The following ITGA1 variants were observed in gnomAD, a reference collection of about 807,000 sequenced individuals.
ITGA1 encodes the protein integrin alpha-1.
Under a neutral mutation model 145.9 loss-of-function variants are expected in ITGA1, and 85 were observed. The ratio of observed to expected loss-of-function variants is 0.58; its 90% CI spans 0.49 to 0.70. The LOEUF is 0.70. Among genes scored for constraint, ITGA1 ranks in the 30% least tolerant of loss-of-function variants. The pLI, the probability that ITGA1 is intolerant of heterozygous loss-of-function variation, is 0.00. For missense variants in ITGA1, 1,351 were observed against 1,418.7 expected, an observed-to-expected ratio of 0.95 and a Z score of 0.77; for synonymous variants, 520 against 495.3, an observed-to-expected ratio of 1.05 and a Z score of -0.66.
chr5:52,828,450 T>C (rs1749004238), intron 1 of ITGA1, among the ~76,000 whole-genome samples: 1 of 152,318 alleles, frequency 6.6e-6, no homozygotes, highest in East Asian at 1.9e-4. Flanking sequence ...GCCATTTGTG[T>C]AACTTATTTG....
At chr5:52,812,366 T>C (rs1290305319) in intron 1 of ITGA1, among the ~76,000 whole-genome samples, 1 of 152,182 alleles carries the variant, frequency 6.6e-6, no homozygotes, top group East Asian at 1.9e-4. Context: ...ACCCACTTCT[T>C]GAAGCTTATA....
intron 11 of ITGA1, 87 bp downstream of exon 11, chr5:52,898,470 G>T (rs935830756): frequency 4.8e-5 from 56 of 1,164,220 alleles, no homozygotes; most frequent in Non-Finnish European, 1.6e-5. Context: ...CTATAGGCTT[G>T]CAACCATATA....
chr5:52,820,232 A>T (rs1748854401), intron 1 of ITGA1, among the ~76,000 whole-genome samples: 1 of 151,868 alleles, frequency 6.6e-6, no homozygotes, highest in South Asian at 2.1e-4. Context: ...AGGGACATGG[A>T]TGAAGCTGGA....
intron 1 of ITGA1, among the ~76,000 whole-genome samples, chr5:52,806,345 G>A (rs1441751990): frequency 2.6e-5 from 4 of 151,764 alleles, no homozygotes; most frequent in African/African-American, 9.7e-5. Flanking sequence ...GAAGCTGTTA[G>A]AAAATAAAAC....
intron 8 of ITGA1, among the ~76,000 whole-genome samples, chr5:52,891,338 T>C (rs57835149): frequency 2.3e-5 from 1 of 43,388 alleles, no homozygotes; most frequent in Non-Finnish European, 5.8e-5. Flanking sequence ...CTCACTTAGA[T>C]TGCCAATTCT....
intron 6 of ITGA1, among the ~76,000 whole-genome samples, chr5:52,868,057 C>T (rs141388087): frequency 4.6e-5 from 7 of 152,160 alleles, no homozygotes; most frequent in African/African-American, 1.4e-4. Flanking sequence ...CTTGTGTTCC[C>T]GCTTTCTCCA....
At chr5:52,863,893 A>C (rs1307232688) in intron 3 of ITGA1, 2 of 152,346 alleles carry the variant, frequency 1.3e-5, no homozygotes, top group East Asian at 3.9e-4. Flanking sequence ...AAACCAGACT[A>C]AACTCTTGGA....
chr5:52,897,513 T>C lies in ITGA1; in HGVS notation c.1149T>C (p.Ser383=), dbSNP rs1344861805. 1.2e-6 allele frequency: 2 copies of C among 1,612,818 alleles called. No individual in the cohort carries two copies. Among genetic ancestry groups the C allele is most frequent in the Non-Finnish European group, 8.5e-7 (1 of 1,179,066 alleles). The part of the protein sequence containing the change: ...FEMEMSQTGF[S]AHYSQDWVML... The stretch of plus-strand genomic sequence containing the variant: ...TGGAAATGTCTCAGACTGGCTTCAG[T>C]GCTCATTATTCACAGGTATGTTGAC... Residue 383 remains serine, a synonymous_variant, in exon 10 of 29, where the codon AGT becomes AGC. Transcript: ENST00000282588.
intron 1 of ITGA1, among the ~76,000 whole-genome samples, chr5:52,828,594 G>T (rs1749006427): frequency 6.6e-6 from 1 of 152,140 alleles, no homozygotes; most frequent in Non-Finnish European, 1.5e-5. Context: ...AGGTCTGGGT[G>T]ATGGTTTCAT....
At chr5:52,872,575 ATTTT>A (rs58664401) in intron 6 of ITGA1, among the ~76,000 whole-genome samples, 1 of 98,372 alleles carries the variant, frequency 1.0e-5, no homozygotes. Context: ...GCCTCAGTCA[ATTTT>A]TTTTTTTTTT....
intron 15 of ITGA1, among the ~76,000 whole-genome samples, chr5:52,916,181 T>C (rs1750644533): frequency 6.6e-6 from 1 of 152,202 alleles, no homozygotes; most frequent in Non-Finnish European, 1.5e-5. Context: ...GCTTACTAAA[T>C]ATCCTATCTC....
At chr5:52,857,296 C>A (rs1042038075) in intron 2 of ITGA1, among the ~76,000 whole-genome samples, 9 of 152,158 alleles carry the variant, frequency 5.9e-5, no homozygotes, top group Admixed American at 3.3e-4. Flanking sequence ...ATTTTTAAGA[C>A]AAACCTCTCC....
chr5:52,915,292 C>T (rs184664893), intron 14 of ITGA1, among the ~76,000 whole-genome samples, 172 bp from the exon 15 acceptor site: 13 of 152,304 alleles, frequency 8.5e-5, no homozygotes, highest in Admixed American at 7.8e-4. Context: ...CAGCAATATC[C>T]TCTGGGAACA....
intron 8 of ITGA1, among the ~76,000 whole-genome samples, chr5:52,892,959 A>C (rs1328009607): frequency 6.6e-6 from 1 of 152,126 alleles, no homozygotes; most frequent in African/African-American, 2.4e-5. Context: ...TTGTACATCT[A>C]AACAGGGTGA....
At chr5:52,945,061 CATT>C (rs764031388) in intron 27 of ITGA1, 26 bp downstream of exon 27, 7 of 1,494,318 alleles carry the variant, frequency 4.7e-6, no homozygotes, top group African/African-American at 2.8e-5. Context: ...GTTTTGAAAA[CATT>C]ATGCATTTCA....
chr5:52,899,707 C>A (rs1750284562), intron 11 of ITGA1, among the ~76,000 whole-genome samples: 1 of 152,170 alleles, frequency 6.6e-6, no homozygotes, highest in African/African-American at 2.4e-5. Context: ...GGTTAGAAAA[C>A]AAAGTGTGCA....
At chr5:52,937,885 A>C (rs1343525757) in intron 24 of ITGA1, among the ~76,000 whole-genome samples, 1 of 152,026 alleles carries the variant, frequency 6.6e-6, no homozygotes, top group Non-Finnish European at 1.5e-5. Context: ...TTGCGGCAGC[A>C]TAGCTCCTAT....
chr5:52,891,251 G>GTTTTTTTTT (rs1247320379), intron 8 of ITGA1, among the ~76,000 whole-genome samples: 1 of 110,410 alleles, frequency 9.1e-6, no homozygotes. Context: ...ACCCAGCAAT[G>GTTTTTTTTT]TTTTTTTTTT....
chr5:52,855,336 C>T (rs1394996178), intron 2 of ITGA1, among the ~76,000 whole-genome samples: 1 of 151,906 alleles, frequency 6.6e-6, no homozygotes, highest in Non-Finnish European at 1.5e-5. Flanking sequence ...TATATATTCT[C>T]TAAAATGGAA....
Sources: allele counts gnomAD v4.1 joint callset (sites outside exome capture counted in the v4.1 genomes callset), GRCh38; gene constraint gnomAD v4.1.1; transcripts MANE v1.5; gene names NCBI Gene and HGNC (gene_info 2026-07-23, HGNC 2026-07-21).